Variants in SHISA9 observed in about 807,000 individuals in gnomAD.
SHISA9 encodes shisa family member 9.
A neutral mutation model predicts 38.0 loss-of-function variants in SHISA9; 13 were observed. The ratio of observed to expected loss-of-function variants is 0.34; its 90% confidence interval spans 0.22 to 0.54. SHISA9 has a LOEUF of 0.54. SHISA9 is among the 20% of genes least tolerant of loss of function. SHISA9 has a pLI of 0.91. For synonymous variants in SHISA9, 275 were observed against 242.0 expected, an observed-to-expected ratio of 1.14 and a Z score of -1.27; for missense variants, 538 against 575.8, an observed-to-expected ratio of 0.93 and a Z score of 0.67.
the SHISA9 span, among the ~76,000 whole-genome samples, chr16:13,389,800 C>T: frequency 1.1e-4 from 16 of 152,138 alleles, no homozygotes; most frequent in African/African-American, 3.6e-4. Flanking sequence ...GTGGAGGCTG[C>T]GATTGTCCTG....
At chr16:13,418,947 A>C in the SHISA9 span, among the ~76,000 whole-genome samples, 4 of 152,190 alleles carry the variant, frequency 2.6e-5, no homozygotes, top group Non-Finnish European at 5.9e-5. Flanking sequence ...AGGTGAAACA[A>C]CCTTGGGGCA....
chr16:13,212,811 C>A (rs2051133274), intron 3 of SHISA9, among the ~76,000 whole-genome samples: 1 of 152,160 alleles, frequency 6.6e-6, no homozygotes, highest in Non-Finnish European at 1.5e-5. Context: ...TAATAATGTG[C>A]CCCTTTTCAG....
At chr16:13,064,784 C>CAAAA (rs72435637) in intron 2 of SHISA9, among the ~76,000 whole-genome samples, 2 of 82,374 alleles carry the variant, frequency 2.4e-5, no homozygotes, top group African/African-American at 3.7e-5. Flanking sequence ...AGTTGTAAGG[C>CAAAA]AAAAAAAAAA....
At chr16:13,438,375 C>A in the SHISA9 span, among the ~76,000 whole-genome samples, 2 of 152,080 alleles carry the variant, frequency 1.3e-5, no homozygotes, top group Non-Finnish European at 2.9e-5. Flanking sequence ...GCGTTTGTAT[C>A]ACAGAGACCT....
chr16:12,978,745 T>C (rs1477120108), intron 2 of SHISA9, among the ~76,000 whole-genome samples: 1 of 152,208 alleles, frequency 6.6e-6, no homozygotes, highest in Non-Finnish European at 1.5e-5. Flanking sequence ...TCTTTGAAAT[T>C]TGTTTTCTTC....
the SHISA9 span, among the ~76,000 whole-genome samples, chr16:13,287,425 A>G: frequency 4.1e-4 from 63 of 152,354 alleles, 1 homozygote; most frequent in African/African-American, 1.5e-3. Context: ...ATGGAGAACA[A>G]CTAAGCTGAA....
At chr16:13,343,780 C>T in the SHISA9 span, among the ~76,000 whole-genome samples, 1 of 152,060 alleles carries the variant, frequency 6.6e-6, no homozygotes, top group Non-Finnish European at 1.5e-5. Flanking sequence ...TTATATTAGG[C>T]ATCATGATCT....
At chr16:13,308,831 T>C in the SHISA9 span, among the ~76,000 whole-genome samples, 1 of 152,092 alleles carries the variant, frequency 6.6e-6, no homozygotes, top group South Asian at 2.1e-4. Flanking sequence ...ATAAGATAGG[T>C]GAACAGGGTA....
At chr16:13,003,871 TA>T (rs1263911591) in intron 2 of SHISA9, among the ~76,000 whole-genome samples, 5 of 107,668 alleles carry the variant, frequency 4.6e-5, no homozygotes, top group African/African-American at 2.7e-4. Context: ...ATAATAATAA[TA>T]ATAATAATAA....
chr16:12,911,214 G>T, intron 1 of SHISA9: 1 of 979,710 alleles, frequency 1.0e-6, no homozygotes, highest in Non-Finnish European at 1.2e-6. Flanking sequence ...TATTGATTCA[G>T]AATCTGCATT....
chr16:13,235,613 AC>A lies in SHISA9; in HGVS notation c.*206del, dbSNP rs2051376047. The A allele has an allele frequency of 1.6e-6, 1 of 626,740 alleles. No homozygotes were observed. Among genetic ancestry groups the A allele is most frequent in the Admixed American group, 3.3e-5 (1 of 30,730 alleles). 38.8% of individuals were successfully genotyped at this position (626,740 alleles called of 1,614,324 possible). ...ACGTGTCGGCGGGCAGCTGAGAAAG[AC>A]CGAAGCGTGGACATTCAGCAATACA... On this transcript the variant is annotated 3_prime_UTR_variant, in exon 5 of 5. Coordinates refer to ENST00000558583, the MANE Select transcript of SHISA9 (RefSeq NM_001145204.3).
chr16:13,311,303 GAATA>G, the SHISA9 span, among the ~76,000 whole-genome samples: 1 of 151,750 alleles, frequency 6.6e-6, no homozygotes, highest in Non-Finnish European at 1.5e-5. Context: ...TTCCGCTAAA[GAATA>G]AAGATTTTTA....
chr16:13,557,066 C>A, the SHISA9 span, among the ~76,000 whole-genome samples: 1 of 152,122 alleles, frequency 6.6e-6, no homozygotes, highest in African/African-American at 2.4e-5. Flanking sequence ...CTATTCCCAG[C>A]ACTTAAAACA....
the SHISA9 span, among the ~76,000 whole-genome samples, chr16:13,296,836 AGCT>A: frequency 7.7e-6 from 1 of 129,162 alleles, no homozygotes; most frequent in Non-Finnish European, 1.6e-5. Context: ...GGTTGCAGTG[AGCT>A]GAGAGCATGC....
chr16:13,282,202 C>T, the SHISA9 span, among the ~76,000 whole-genome samples: 14,964 of 151,964 alleles, frequency 0.098, 1,017 homozygotes, highest in Non-Finnish European at 0.15. Context: ...TGTATTCTTC[C>T]AGGTATGATT....
At chr16:13,365,472 T>G in the SHISA9 span, among the ~76,000 whole-genome samples, 1 of 150,472 alleles carries the variant, frequency 6.6e-6, no homozygotes, top group African/African-American at 2.5e-5. Flanking sequence ...TTTTTTTTTT[T>G]TTGAGACAGA....
chr16:13,469,379 AAGAAAGAAAGAAAG>A, the SHISA9 span, among the ~76,000 whole-genome samples: 1 of 108,332 alleles, frequency 9.2e-6, no homozygotes, highest in East Asian at 3.4e-4. Flanking sequence ...GAAAGAAAGA[AAGAAAGAAAGAAAG>A]AAAGAAAGAA....
At chr16:13,491,012 T>G in the SHISA9 span, among the ~76,000 whole-genome samples, 1 of 152,208 alleles carries the variant, frequency 6.6e-6, no homozygotes, top group Non-Finnish European at 1.5e-5. Context: ...GTTCAACTAA[T>G]TGGTGTTAAG....
At chr16:12,906,458 C>T (rs962350146) in intron 1 of SHISA9, among the ~76,000 whole-genome samples, 9 of 151,728 alleles carry the variant, frequency 5.9e-5, no homozygotes, top group South Asian at 2.1e-4. Context: ...TTCCAGGAAG[C>T]GGTGGGGGGA....
Sources: allele counts gnomAD v4.1 joint callset (sites outside exome capture counted in the v4.1 genomes callset), GRCh38; gene constraint gnomAD v4.1.1; transcripts MANE v1.5; gene names NCBI Gene and HGNC (gene_info 2026-07-23, HGNC 2026-07-21).